The following PRKCA variants were observed in gnomAD, a reference collection of about 807,000 sequenced individuals.
The protein encoded by PRKCA is protein kinase C alpha, also known as protein kinase C alpha type.
Under a neutral mutation model 87.0 loss-of-function variants are expected in PRKCA, and 27 were observed. That is an observed-to-expected ratio of 0.31 (90% confidence interval 0.23 to 0.43). The LOEUF is 0.43. Among genes scored for constraint, PRKCA ranks in the 20% least tolerant of loss-of-function variants. The pLI, the probability that PRKCA is intolerant of heterozygous loss-of-function variation, is 1.00. For synonymous variants in PRKCA, 329 were observed against 311.1 expected (o/e 1.06, Z -0.61); for missense variants, 518 against 852.3 (o/e 0.61, Z 4.88).
intron 2 of PRKCA, among the ~76,000 whole-genome samples, chr17:66,394,460 A>G (rs931571365): frequency 1.1e-4 from 16 of 152,236 alleles, no homozygotes; most frequent in African/African-American, 3.6e-4. Context: ...TTATTTATGT[A>G]TAATCTTCAC....
In PRKCA at chr17:66,509,910, G is replaced by GA. The variant is rs138667945; in HGVS notation, c.288+13637dup. 1.1e-3 allele frequency among the ~76,000 whole-genome samples: 170 copies of GA among 148,094 alleles called. 2 individuals are homozygous for GA. In the South Asian group the frequency reaches 0.029, roughly 25 times the overall value. On this transcript the variant is annotated intron_variant, in intron 3 of 16. Coordinates refer to ENST00000413366, the MANE Select transcript of PRKCA (RefSeq NM_002737.3). Reference sequence around the variant, plus strand: ...TGTTTGTTGAAAGAGCGAATGAATGGAAAAAAAAAATGAAGTCTTTGATTC... The same window carrying GA: ...TGTTTGTTGAAAGAGCGAATGAATGGAAAAAAAAAAATGAAGTCTTTGATTC...
At chr17:66,612,354 C>T (rs1598813648) in intron 3 of PRKCA, among the ~76,000 whole-genome samples, 1 of 134,644 alleles carries the variant, frequency 7.4e-6, no homozygotes, top group East Asian at 2.2e-4. Context: ...GCGCTCCAGC[C>T]TGGGCAACAA....
intron 4 of PRKCA, among the ~76,000 whole-genome samples, chr17:66,643,205 C>T (rs1971355922): frequency 6.6e-6 from 1 of 152,214 alleles, no homozygotes; most frequent in Non-Finnish European, 1.5e-5. Flanking sequence ...TCAACCTTCA[C>T]TCCTTGGGCA....
chr17:66,444,558 G>A (rs1408901538), intron 2 of PRKCA, among the ~76,000 whole-genome samples: 1 of 152,088 alleles, frequency 6.6e-6, no homozygotes, highest in Non-Finnish European at 1.5e-5. Flanking sequence ...GACCTTCCAG[G>A]GAACATCCCT....
intron 2 of PRKCA, among the ~76,000 whole-genome samples, chr17:66,367,934 A>G (rs1039857864): frequency 3.3e-5 from 5 of 152,220 alleles, no homozygotes; most frequent in African/African-American, 1.2e-4. Flanking sequence ...ATCAGTTACA[A>G]TGAATTCCCT....
At chr17:66,708,322 C>T (rs1157713996) in intron 8 of PRKCA, among the ~76,000 whole-genome samples, 1 of 152,244 alleles carries the variant, frequency 6.6e-6, no homozygotes, top group Non-Finnish European at 1.5e-5. Context: ...CCCTTCCCAG[C>T]ATCCAGGTGT....
chr17:66,545,254 C>A (rs976915768), intron 3 of PRKCA, among the ~76,000 whole-genome samples: 4 of 152,028 alleles, frequency 2.6e-5, no homozygotes, highest in African/African-American at 9.7e-5. Flanking sequence ...CGGTGAAACC[C>A]CGCCTCTACT....
At position 66,406,585 on chromosome 17, in the gene PRKCA, G is replaced by GATTTTTTTTTT. The variant is rs529714675; in HGVS notation, c.206-89616_206-89615insATTTTTTTTTT. Among the ~76,000 whole-genome samples, 51 of 70,186 alleles carry GATTTTTTTTTT rather than the reference G, an allele frequency of 7.3e-4. 2 individuals are homozygous for GATTTTTTTTTT. Among genetic ancestry groups the GATTTTTTTTTT allele is most frequent in the South Asian group, 2.1e-3 (3 of 1,404 alleles). 46.0% of individuals were successfully genotyped at this position (70,186 alleles called of 152,430 possible). On this transcript the variant is annotated intron_variant, in intron 2 of 16. Coordinates refer to ENST00000413366, the MANE Select transcript of PRKCA (RefSeq NM_002737.3). ...TCATGTAGCATTGTAGCTTTTCCAG[G>GATTTTTTTTTT]TTTTTTTTTTTTTTTTTTTTTTTTA... is the stretch of plus-strand genomic sequence containing the variant.
chr17:66,483,501 GC>G (rs1915869861), intron 2 of PRKCA, among the ~76,000 whole-genome samples: 1 of 126,460 alleles, frequency 7.9e-6, no homozygotes, highest in South Asian at 2.5e-4. Context: ...AGTCTCTGTC[GC>G]CCAGGCTGTG....
chr17:66,545,632 GCT>G (rs1233764608), intron 3 of PRKCA, among the ~76,000 whole-genome samples: 1 of 152,004 alleles, frequency 6.6e-6, no homozygotes, highest in Non-Finnish European at 1.5e-5. Context: ...AACCACTGAG[GCT>G]CTGTCAATAT....
intron 2 of PRKCA, among the ~76,000 whole-genome samples, chr17:66,485,735 A>G (rs1228752773): frequency 6.6e-6 from 1 of 152,180 alleles, no homozygotes; most frequent in African/African-American, 2.4e-5. Flanking sequence ...GTCCTGTTCC[A>G]CTACACTGAG....
intron 3 of PRKCA, among the ~76,000 whole-genome samples, chr17:66,616,301 T>C (rs1970515386): frequency 6.6e-6 from 1 of 152,224 alleles, no homozygotes; most frequent in Non-Finnish European, 1.5e-5. Flanking sequence ...ATAATAAATA[T>C]AGAAAGAACA....
chr17:66,641,308 TG>T, intron 3 of PRKCA, 46 bp from the exon 4 acceptor site: 1 of 1,416,978 alleles, frequency 7.1e-7, no homozygotes. Flanking sequence ...TCTAAAAACG[TG>T]GTCCTTTCAT....
At chr17:66,710,768 A>C (rs1178525831) in intron 8 of PRKCA, among the ~76,000 whole-genome samples, 1 of 151,902 alleles carries the variant, frequency 6.6e-6, no homozygotes, top group African/African-American at 2.4e-5. Context: ...GGTGGCTCAC[A>C]CCTGTAATCC....
intron 2 of PRKCA, chr17:66,415,534 A>G (rs952490339): frequency 2.0e-5 from 3 of 152,186 alleles, no homozygotes; most frequent in African/African-American, 7.2e-5. Context: ...GCAGAGGCCA[A>G]TGACCTTAAA....
intron 1 of PRKCA, among the ~76,000 whole-genome samples, chr17:66,305,520 C>T (rs1397994058): frequency 6.6e-6 from 1 of 152,132 alleles, no homozygotes. Context: ...TATTGGTTCT[C>T]AGTAGAAATT....
At chr17:66,416,526 C>G (rs1329682356) in intron 2 of PRKCA, 1 of 152,202 alleles carries the variant, frequency 6.6e-6, no homozygotes, top group African/African-American at 2.4e-5. Context: ...CTCCACTAAG[C>G]CTTTTCAAGG....
chr17:66,753,844 A>G (rs1468036838), intron 13 of PRKCA, among the ~76,000 whole-genome samples: 1 of 152,112 alleles, frequency 6.6e-6, no homozygotes, highest in Non-Finnish European at 1.5e-5. Flanking sequence ...GAGAGGCCTC[A>G]CCAGAAGCCC....
At chr17:66,407,323 T>C (rs570445058) in intron 2 of PRKCA, among the ~76,000 whole-genome samples, 46 of 152,094 alleles carry the variant, frequency 3.0e-4, no homozygotes, top group Non-Finnish European at 5.9e-4. Flanking sequence ...GCTGTTACTG[T>C]GATAGTGAGT....
Sources: allele counts gnomAD v4.1 joint callset (sites outside exome capture counted in the v4.1 genomes callset), GRCh38; gene constraint gnomAD v4.1.1; transcripts MANE v1.5; gene names NCBI Gene and HGNC (gene_info 2026-07-23, HGNC 2026-07-21).